RNF216: variants seen among roughly 807,000 people sequenced by gnomAD.
The protein encoded by RNF216 is ring finger protein 216, also known as E3 ubiquitin-protein ligase RNF216.
Under a neutral mutation model 110.8 loss-of-function variants are expected in RNF216, and 72 were observed. That is an observed-to-expected ratio of 0.65 (90% CI 0.54 to 0.79). The LOEUF (loss-of-function observed/expected upper bound fraction) is 0.79, where lower values mean the gene tolerates loss of function less well. Ranked by LOEUF, RNF216 falls within the 30% of genes least tolerant of loss-of-function variation. The probability of loss-of-function intolerance (pLI) is 0.00; values close to 1 mark genes in which losing one functional copy is unlikely to be tolerated. For missense variants in RNF216, 1,342 were observed against 1,141.2 expected, an observed-to-expected ratio of 1.18 and a Z score of -2.54; for synonymous variants, 495 against 407.5, an observed-to-expected ratio of 1.21 and a Z score of -2.59.
intron 7 of RNF216, among the ~76,000 whole-genome samples, chr7:5,726,248 C>T (rs1232496291): frequency 1.3e-5 from 2 of 152,194 alleles, no homozygotes; most frequent in African/African-American, 4.8e-5. Context: ...TGCACTCCAT[C>T]CTGGGTAACA....
chr7:5,752,972 G>C lies in RNF216; in HGVS notation c.75C>G (p.Ile25Met). The C allele has an allele frequency of 6.2e-7, 1 of 1,610,766 alleles. No homozygotes were observed. The highest frequency in any genetic ancestry group is 8.5e-7 in the Non-Finnish European group (1 of 1,178,680). ...NFHCHRGQEW[I>M]NLRDGPITIS... ...TGGTGATGGGCCCATCTCGGAGATT[G>C]ATCCACTCTACAGGAAAGCAGAGAA... Residue 25 changes from isoleucine (I) to methionine (M), a missense_variant, in exon 3 of 17, where the codon ATC becomes ATG. Transcript: ENST00000389902.
chr7:5,740,906 G>GAAA lies in RNF216; in HGVS notation c.1044+64_1044+66dup. ...TACCAACAACTTTTTTTTTTGCAAT[G>GAAA]AAAAAAAAAAAAGAAAAAAACTCAG... On this transcript the variant is annotated intron_variant, in intron 4 of 16. Coordinates refer to ENST00000389902, the MANE Select transcript of RNF216 (RefSeq NM_207111.4). 2.2e-5 allele frequency: 25 copies of GAAA among 1,146,994 alleles called. No individual in the cohort carries two copies. In the South Asian group the frequency reaches 3.2e-4, roughly 15 times the overall value. The allele number at this position is 1,146,994 out of a possible 1,614,324, so 71.1% of individuals were successfully genotyped here.
At chr7:5,740,045 G>C (rs1343312697) in intron 4 of RNF216, among the ~76,000 whole-genome samples, 1 of 148,684 alleles carries the variant, frequency 6.7e-6, no homozygotes, top group East Asian at 2.0e-4. Flanking sequence ...AAACCCGCCT[G>C]GGTAAAGTAG....
chr7:5,753,247 C>T, intron 2 of RNF216, among the ~76,000 whole-genome samples: 1 of 152,186 alleles, frequency 6.6e-6, no homozygotes, highest in East Asian at 1.9e-4. Flanking sequence ...TTGGAGAAAT[C>T]TGTTTACAAA....
At chr7:5,668,503 G>A (rs1461288922) in intron 13 of RNF216, among the ~76,000 whole-genome samples, 1 of 152,060 alleles carries the variant, frequency 6.6e-6, no homozygotes, top group Admixed American at 6.6e-5. Context: ...GATTACAGAT[G>A]TGAGCCACCG....
At chr7:5,684,094 CTTTTTT>C (rs10608511) in intron 13 of RNF216, among the ~76,000 whole-genome samples, 9 of 61,836 alleles carry the variant, frequency 1.5e-4, no homozygotes, top group Admixed American at 2.2e-4. Context: ...GCTGGGCCTT[CTTTTTT>C]TTTTTTTTTT....
intron 15 of RNF216, among the ~76,000 whole-genome samples, chr7:5,639,594 G>T (rs769070328): frequency 6.6e-6 from 1 of 151,574 alleles, no homozygotes; most frequent in Non-Finnish European, 1.5e-5. Context: ...CTGAGTAGCT[G>T]GTATTACAGG....
chr7:5,736,230 G>A (rs773985184), intron 5 of RNF216, among the ~76,000 whole-genome samples: 48 of 152,152 alleles, frequency 3.2e-4, no homozygotes, highest in Non-Finnish European at 2.6e-4. Context: ...TGATTCTCCT[G>A]CCTCAGCCTG....
intron 1 of RNF216, among the ~76,000 whole-genome samples, chr7:5,774,634 C>T (rs1796677135): frequency 6.6e-6 from 1 of 152,120 alleles, no homozygotes; most frequent in African/African-American, 2.4e-5. Context: ...TGAGAAGCCA[C>T]TTTGTATATG....
In RNF216 at chr7:5,753,126, A is replaced by T. The variant is rs141532178; in HGVS notation, c.68-147T>A. 1.3e-4 allele frequency: 89 copies of T among 681,190 alleles called. No individual in the cohort carries two copies. In the African/African-American group the frequency reaches 1.4e-3, roughly 11 times the overall value. The allele number at this position is 681,190 out of a possible 1,614,324, so 42.2% of individuals were successfully genotyped here. A position where few individuals can be genotyped will look rare whatever the true frequency, so the allele number is the denominator to read the frequency against. On this transcript the variant is annotated intron_variant, in intron 2 of 16. Coordinates refer to ENST00000389902, the MANE Select transcript of RNF216 (RefSeq NM_207111.4). ...CCTCAAGCAGCCCGTGCACTTAAGC[A>T]TTAAGAGCCATGTTTCTATGCTGAC...
intron 13 of RNF216, among the ~76,000 whole-genome samples, chr7:5,697,199 A>C (rs1584469078): frequency 7.5e-6 from 1 of 133,696 alleles, no homozygotes; most frequent in African/African-American, 4.2e-5. Flanking sequence ...CTCCGCCAAT[A>C]AGACCCCACC....
chr7:5,721,451 T>C (rs973011275), intron 8 of RNF216, among the ~76,000 whole-genome samples: 10 of 152,230 alleles, frequency 6.6e-5, no homozygotes, highest in Non-Finnish European at 1.2e-4. Flanking sequence ...TATACCACAA[T>C]TTATTATCTA....
At chr7:5,627,158 T>C (rs2128556833) in intron 15 of RNF216, among the ~76,000 whole-genome samples, 1 of 152,066 alleles carries the variant, frequency 6.6e-6, no homozygotes, top group Non-Finnish European at 1.5e-5. Flanking sequence ...GAAACTGAGG[T>C]CCCTGAGAAA....
In RNF216 at chr7:5,741,774, T is replaced by G. The variant is rs1727437713; in HGVS notation, c.243A>C (p.Pro81=). The change falls in exon 4 of 17, where the codon CCA becomes CCC. Residue 81 remains proline (P), a synonymous_variant. Transcript: ENST00000389902. ...PQRSRPNLIK[P]AAQWQDLKRL... ...TTTTCAGATCTTGCCACTGGGCAGC[T>G]GGTTTGATGAGATTGGGTCGTGATC... 1 of 1,614,090 alleles carries G rather than the reference T, an allele frequency of 6.2e-7. No homozygotes were observed. The highest frequency in any genetic ancestry group is 8.5e-7 in the Non-Finnish European group (1 of 1,180,010).
chr7:5,721,191 T>C lies in RNF216; in HGVS notation c.1505-19A>G, dbSNP rs1295335413. ...ATGTCACCTAGAAGATATACGACAA[T>C]GCAAAAGCATGCAGACAACTATGTG... On this transcript the variant is annotated intron_variant, in intron 8 of 16. Coordinates refer to ENST00000389902, the MANE Select transcript of RNF216 (RefSeq NM_207111.4). 1.2e-6 allele frequency: 2 copies of C among 1,610,792 alleles called. No individual in the cohort carries two copies. Among genetic ancestry groups the C allele is most frequent in the East Asian group, 2.2e-5 (1 of 44,802 alleles).
intron 15 of RNF216, among the ~76,000 whole-genome samples, chr7:5,636,664 A>G (rs568350145): frequency 2.6e-5 from 4 of 152,336 alleles, no homozygotes; most frequent in African/African-American, 9.6e-5. Context: ...TCCTGGTGAG[A>G]ATCAAGGAAA....
chr7:5,759,968 T>A (rs1795847092), intron 2 of RNF216, among the ~76,000 whole-genome samples: 1 of 152,040 alleles, frequency 6.6e-6, no homozygotes. Flanking sequence ...TGTAATTTAC[T>A]CTCTACTAGA....
intron 13 of RNF216, among the ~76,000 whole-genome samples, chr7:5,659,952 A>ATTT (rs36099512): frequency 1.5e-5 from 2 of 132,832 alleles, no homozygotes; most frequent in South Asian, 5.0e-4. Flanking sequence ...ACATTCATTA[A>ATTT]TTTTTTTTTT....
At chr7:5,707,155 C>G (rs1792345860) in intron 13 of RNF216, among the ~76,000 whole-genome samples, 1 of 152,194 alleles carries the variant, frequency 6.6e-6, no homozygotes, top group Non-Finnish European at 1.5e-5. Context: ...GTTTAAATTA[C>G]TGTAGCTTTG....
Sources: gnomAD v4.1 joint callset for allele counts (sites outside exome capture counted in the v4.1 genomes callset) on GRCh38, gnomAD v4.1.1 for gene constraint, MANE v1.5 for transcripts, NCBI Gene and HGNC (gene_info 2026-07-23, HGNC 2026-07-21) for gene names.